HSPG2: variants seen among roughly 807,000 people sequenced by gnomAD.
HSPG2 encodes the protein basement membrane-specific heparan sulfate proteoglycan core protein.
HSPG2 carries 278 observed loss-of-function variants against 526.6 expected under a neutral mutation model. That is an observed-to-expected ratio of 0.53 (90% CI 0.48 to 0.58). The LOEUF (loss-of-function observed/expected upper bound fraction) is 0.58. HSPG2 is among the 20% of genes least tolerant of loss of function. The pLI, the probability that HSPG2 is intolerant of heterozygous loss-of-function variation, is 0.00. For synonymous variants in HSPG2, 2,465 were observed against 2,555.4 expected, an observed-to-expected ratio of 0.96 and a Z score of 1.07; for missense variants, 5,354 against 6,099.5, an observed-to-expected ratio of 0.88 and a Z score of 4.07.
chr1:21,876,801 G>A (rs1641105897), intron 21 of HSPG2, 149 bp from the exon 22 acceptor site: 10 of 1,043,482 alleles, frequency 9.6e-6, no homozygotes, highest in Non-Finnish European at 1.3e-5. Flanking sequence ...GCTCACGCCT[G>A]TAATCCCAGC....
intron 33 of HSPG2, chr1:21,869,543 G>T (rs890087564): frequency 1.0e-6 from 1 of 987,402 alleles, no homozygotes; most frequent in African/African-American, 1.7e-5. Context: ...GGTGCTGCTC[G>T]CAGAGCAGCT....
Position 21,834,767 on chromosome 1 carries a change from G to C in HSPG2, c.10632C>G (p.His3544Gln), listed in dbSNP as rs375077989. ...ACTGTCCCGCATCAGCCAGCTCTAC[G>C]TGGGCGATCCTGACGACACCTCCGC... ...VQSGGVVRIA[H>Q]VELADAGQYR... The change falls in exon 77 of 97, where the codon CAC (histidine) becomes CAG (glutamine). Residue 3544 changes from histidine to glutamine, a missense_variant. Transcript: ENST00000374695. The C allele has an allele frequency of 2.5e-6, 4 of 1,614,032 alleles. No individual in the cohort carries two copies. The highest frequency in any genetic ancestry group is 1.3e-5 in the African/African-American group (1 of 74,924).
rs78093028 is a variant in HSPG2, at chr1:21,869,445, G to C, written c.4221+2741C>G. 690 of 986,014 alleles carry C rather than the reference G, an allele frequency of 7.0e-4. 5 individuals are homozygous for C. The African/African-American group carries it at 0.011, about 16-fold the overall frequency. 61.1% of individuals were successfully genotyped at this position (986,014 alleles called of 1,614,324 possible). A position where few individuals can be genotyped will look rare whatever the true frequency, so the allele number is the denominator to read the frequency against. On this transcript the variant is annotated intron_variant, in intron 33 of 96. Transcript: ENST00000374695. Reference sequence around the variant, plus strand: ...AAAGCATGGTGGGTGGGGATCCCTTGATGGGCACCTTGGCACATACCTGAG... The same window carrying C: ...AAAGCATGGTGGGTGGGGATCCCTTCATGGGCACCTTGGCACATACCTGAG...
At chr1:21,837,554 G>A (rs1186549135) in intron 74 of HSPG2, among the ~76,000 whole-genome samples, 2 of 151,828 alleles carry the variant, frequency 1.3e-5, no homozygotes, top group Admixed American at 6.6e-5. Flanking sequence ...CTCCCAAGGT[G>A]CTAGGATTAC....
chr1:21,885,271 C>T (rs903525043), intron 10 of HSPG2, 49 bp downstream of exon 10: 1 of 1,613,118 alleles, frequency 6.2e-7, no homozygotes, highest in Non-Finnish European at 8.5e-7. Context: ...GGACAGAACC[C>T]CTAGAACCCA....
At chr1:21,841,962 C>G in intron 69 of HSPG2, 40 bp downstream of exon 69, 1 of 1,610,632 alleles carries the variant, frequency 6.2e-7, no homozygotes, top group Non-Finnish European at 8.5e-7. Context: ...ACCCCCATGC[C>G]TGCCCCCAGC....
chr1:21,920,713 C>G (rs1005228297), intron 1 of HSPG2, among the ~76,000 whole-genome samples: 12 of 152,214 alleles, frequency 7.9e-5, no homozygotes, highest in African/African-American at 2.9e-4. Context: ...AAAATAGCAG[C>G]TGCCAGTAGG....
chr1:21,863,065 A>ACAAAC (rs1284437509), intron 37 of HSPG2, among the ~76,000 whole-genome samples: 6 of 72,668 alleles, frequency 8.3e-5, no homozygotes, highest in Non-Finnish European at 1.3e-4. Flanking sequence ...CATCTCAAAA[A>ACAAAC]AAAAAAAAAA....
chr1:21,865,077 G>A lies in HSPG2; in HGVS notation c.4396-4C>T. ...CATCGGGCCGGCGCCAGAATTCCTG[G>A]GTTGGGGGTGGCAACGTGGGCGGGG... is the stretch of plus-strand genomic sequence containing the variant. On this transcript the variant is annotated splice_polypyrimidine_tract_variant and splice_region_variant and intron_variant, in intron 35 of 96. Coordinates refer to ENST00000374695, the MANE Select transcript of HSPG2 (RefSeq NM_005529.7). The surrounding 1 kb of genome is among the most constrained non-coding windows in gnomAD (Gnocchi z 5.4). The A allele has an allele frequency of 1.3e-6, 2 of 1,560,650 alleles. No individual in the cohort carries two copies. The highest frequency in any genetic ancestry group is 1.7e-6 in the Non-Finnish European group (2 of 1,155,748).
In HSPG2 at chr1:21,847,358, G is replaced by A. The variant is rs751381162; in HGVS notation, c.8160C>T (p.Pro2720=). Reference sequence around the variant, plus strand: ...CCCTTTCCTAGGCAGACTCACCGGAGGGGCTGCCGGCGCTAGGGGAGACGG... The same window carrying A: ...CCCTTTCCTAGGCAGACTCACCGGAAGGGCTGCCGGCGCTAGGGGAGACGG... The part of the protein sequence containing the change: ...VISVSPSAGS[P]SAPGSSMPIR... Residue 2720 remains proline (P), a synonymous_variant, in exon 62 of 97, where the codon CCC becomes CCT. Coordinates refer to ENST00000374695, the MANE Select transcript of HSPG2 (RefSeq NM_005529.7). This position sits in a 1 kb window ranked among gnomAD's most constrained non-coding sequence, Gnocchi z 4.1. The A allele has an allele frequency of 9.9e-6, 16 of 1,614,048 alleles. No homozygotes were observed. The South Asian group carries it at 1.8e-4, about 18-fold the overall frequency.
intron 1 of HSPG2, among the ~76,000 whole-genome samples, chr1:21,933,229 A>G (rs1397994040): frequency 6.6e-6 from 1 of 151,924 alleles, no homozygotes; most frequent in East Asian, 1.9e-4. Context: ...CAAAAAAAAA[A>G]AAAAGAAAAG....
chr1:21,882,939 G>GGTTACTCAATCCT (rs1641621331), intron 13 of HSPG2, among the ~76,000 whole-genome samples: 1 of 152,134 alleles, frequency 6.6e-6, no homozygotes, highest in South Asian at 2.1e-4. Flanking sequence ...CCCGGGTCTA[G>GGTTACTCAATCCT]GTTACTCAAT....
chr1:21,826,657 G>A (rs1301148449), intron 91 of HSPG2, among the ~76,000 whole-genome samples: 2 of 152,024 alleles, frequency 1.3e-5, no homozygotes, highest in East Asian at 2.0e-4. Context: ...TTATAGGCAT[G>A]TGCCACCACG....
At position 21,841,572 on chromosome 1, in the gene HSPG2, CA is replaced by C. The variant is rs779281733; in HGVS notation, c.9294del (p.Val3099TrpfsTer6). The C allele has an allele frequency of 1.2e-6, 2 of 1,614,266 alleles. No homozygotes were observed. Among genetic ancestry groups the C allele is most frequent in the Non-Finnish European group, 1.7e-6 (2 of 1,180,052 alleles). On this transcript the variant is annotated frameshift_variant, in exon 70 of 97. Coordinates refer to ENST00000374695, the MANE Select transcript of HSPG2 (RefSeq NM_005529.7). LOFTEE classifies it high-confidence loss of function. ...TYRCVASNAY[G>X]VAQSVVNLSV... ...CTGAGGTTCACCACACTCTGGGCCA[CA>C]CCGTAGGCATTGGAGGCCACGCAGC... is the stretch of plus-strand genomic sequence containing the variant.
intron 33 of HSPG2, among the ~76,000 whole-genome samples, chr1:21,871,459 G>A (rs369459527): frequency 1.3e-5 from 2 of 151,890 alleles, no homozygotes; most frequent in Admixed American, 6.6e-5. Context: ...ACGGGGTTTC[G>A]TCACATTGCC....
intron 6 of HSPG2, among the ~76,000 whole-genome samples, chr1:21,889,255 G>A (rs1206719459): frequency 6.6e-6 from 1 of 152,220 alleles, no homozygotes; most frequent in Non-Finnish European, 1.5e-5. Context: ...CCACACCTGT[G>A]AAGGATGAAC....
Position 21,880,503 on chromosome 1 carries a change from C to T in HSPG2, c.2055G>A (p.Val685=). Residue 685 remains valine, a synonymous_variant, in exon 16 of 97, where the codon GTG becomes GTA. Coordinates refer to ENST00000374695, the MANE Select transcript of HSPG2 (RefSeq NM_005529.7). ...RPVQRAELLQ[V]LQSLEAVLIQ... ...TGAGCACGGCCTCCAGGCTCTGCAG[C>T]ACCTGCAGCAGCTCCGCGCGCTGCA... The T allele has an allele frequency of 6.2e-7, 1 of 1,613,738 alleles. No individual in the cohort carries two copies. Among genetic ancestry groups the T allele is most frequent in the Non-Finnish European group, 8.5e-7 (1 of 1,180,006 alleles).
At chr1:21,927,730 C>T (rs544523185) in intron 1 of HSPG2, among the ~76,000 whole-genome samples, 7 of 152,290 alleles carry the variant, frequency 4.6e-5, no homozygotes, top group African/African-American at 1.7e-4. Context: ...CAGGAAGGAG[C>T]AATCAGGGTG....
intron 39 of HSPG2, among the ~76,000 whole-genome samples, chr1:21,861,101 CCT>C (rs1487880006): frequency 1.3e-5 from 2 of 152,132 alleles, no homozygotes; most frequent in African/African-American, 4.8e-5. Flanking sequence ...TTACTTTTTC[CCT>C]GTCTTATCTC....
Sources: gnomAD v4.1 joint callset for allele counts (sites outside exome capture counted in the v4.1 genomes callset) on GRCh38, gnomAD v4.1.1 for gene constraint, Gnocchi (gnomAD v3.1) non-coding constraint, MANE v1.5 for transcripts, NCBI Gene and HGNC (gene_info 2026-07-23, HGNC 2026-07-21) for gene names.